RGMA: variants seen among roughly 807,000 people sequenced by gnomAD.
The protein encoded by RGMA is repulsive guidance molecule BMP co-receptor a.
RGMA carries 10 observed loss-of-function variants against 23.2 expected under a neutral mutation model. The ratio of observed to expected loss-of-function variants is 0.43; its 90% CI spans 0.27 to 0.73. The LOEUF is 0.73. Among genes scored for constraint, RGMA ranks in the 30% least tolerant of loss-of-function variants. The pLI is 0.20. For missense variants in RGMA, 547 were observed against 630.5 expected, an observed-to-expected ratio of 0.87 and a Z score of 1.42; for synonymous variants, 308 against 279.3, an observed-to-expected ratio of 1.10 and a Z score of -1.03.
At position 93,044,594 on chromosome 15, in the gene RGMA, CAG is replaced by C. The variant is rs2054782361; in HGVS notation, c.*402_*403del. On this transcript the variant is annotated 3_prime_UTR_variant, in exon 4 of 4. Transcript: ENST00000329082. ...AGTGTGTGCGTGCGTGTGGCGGGCACAGGGGGCCCCACGGATCGGCGAGCAGC... is the reference window on the plus strand; with the variant it reads ...AGTGTGTGCGTGCGTGTGGCGGGCACGGGGCCCCACGGATCGGCGAGCAGC... 2 of 258,612 alleles carry C rather than the reference CAG, an allele frequency of 7.7e-6. No individual in the cohort carries two copies. Among genetic ancestry groups the C allele is most frequent in the Non-Finnish European group, 1.5e-5 (2 of 133,556 alleles). The allele number at this position is 258,612 out of a possible 1,614,324, so 16.0% of individuals were successfully genotyped here. A position where few individuals can be genotyped will look rare whatever the true frequency, so the allele number is the denominator to read the frequency against.
chr15:93,044,638 C>G lies in RGMA; in HGVS notation c.*360G>C. The G allele has an allele frequency of 3.1e-6, 1 of 319,172 alleles. No individual in the cohort carries two copies. Among genetic ancestry groups the G allele is most frequent in the Non-Finnish European group, 5.8e-6 (1 of 171,206 alleles). The allele number at this position is 319,172 out of a possible 1,614,324, so 19.8% of individuals were successfully genotyped here. On this transcript the variant is annotated 3_prime_UTR_variant, in exon 4 of 4. Transcript: ENST00000329082. The stretch of plus-strand genomic sequence containing the variant: ...GCGAGCAGCAGTCGGCCGGGCCTTT[C>G]AGTGCATTGCGAGGGGGAAGGAGCT...
intron 2 of RGMA, among the ~76,000 whole-genome samples, chr15:93,060,187 G>A (rs1267310364): frequency 2.0e-5 from 3 of 152,370 alleles, no homozygotes; most frequent in Admixed American, 6.5e-5. Flanking sequence ...GCCACTGAGT[G>A]TGTCCTTGGG....
intron 3 of RGMA, among the ~76,000 whole-genome samples, chr15:93,050,902 C>T (rs1460778204): frequency 6.6e-6 from 1 of 152,094 alleles, no homozygotes; most frequent in Admixed American, 6.6e-5. Flanking sequence ...TGTCTTGGCT[C>T]TCAGGAGGGC....
At position 93,042,253 on chromosome 15, in the gene RGMA, C is replaced by CCTTG. The variant is rs1369141695; in HGVS notation, c.*2741_*2744dup. Reference sequence around the variant, plus strand: ...ACTTGGCCACTCTTGGGACTCCTCCCCTTGCTAGCCTGCAGGTTCACCTCT... The same window carrying CCTTG: ...ACTTGGCCACTCTTGGGACTCCTCCCCTTGCTTGCTAGCCTGCAGGTTCACCTCT... On this transcript the variant is annotated 3_prime_UTR_variant, in exon 4 of 4. Transcript: ENST00000329082. The CCTTG allele has an allele frequency of 1.3e-5, 2 of 152,300 alleles. No individual in the cohort carries two copies. The highest frequency in any genetic ancestry group is 2.9e-5 in the Non-Finnish European group (2 of 68,082). 9.4% of individuals were successfully genotyped at this position (152,300 alleles called of 1,614,324 possible). A position where few individuals can be genotyped will look rare whatever the true frequency, so the allele number is the denominator to read the frequency against.
chr15:93,088,240 C>CG, intron 1 of RGMA: 18 of 941,606 alleles, frequency 1.9e-5, no homozygotes, highest in Non-Finnish European at 2.2e-5. Context: ...CACACCCGCC[C>CG]TCCCATTGAA....
intron 1 of RGMA, among the ~76,000 whole-genome samples, chr15:93,075,571 A>T (rs1895459399): frequency 6.7e-6 from 1 of 148,536 alleles, no homozygotes; most frequent in African/African-American, 2.5e-5. Flanking sequence ...AAGCCTGAGA[A>T]TTTTTTTTTT....
At chr15:93,064,225 A>C (rs1353786888) in intron 2 of RGMA, among the ~76,000 whole-genome samples, 1 of 152,236 alleles carries the variant, frequency 6.6e-6, no homozygotes, top group Non-Finnish European at 1.5e-5. Flanking sequence ...AGGGCTGGAC[A>C]CAGGATTCCA....
In RGMA at chr15:93,089,172, T is replaced by A; in HGVS notation, c.-240A>T. The A allele has an allele frequency of 3.4e-6, 1 of 295,658 alleles. No individual in the cohort carries two copies. Among genetic ancestry groups the A allele is most frequent in the Non-Finnish European group, 6.2e-6 (1 of 161,048 alleles). 18.3% of individuals were successfully genotyped at this position (295,658 alleles called of 1,614,324 possible). On this transcript the variant is annotated 5_prime_UTR_variant, in exon 1 of 4. Coordinates refer to ENST00000329082, the MANE Select transcript of RGMA (RefSeq NM_020211.3). ...GCCAGTGCTTCCCCGGCCCAGCGGC[T>A]CGGGCGGCGCAGCCAGCGCTCGGGA... is the stretch of plus-strand genomic sequence containing the variant.
chr15:93,044,956 G>T lies in RGMA; in HGVS notation c.*42C>A. Reference sequence around the variant, plus strand: ...GCGGTCCCAGCCCACACATGGGGAAGCCGAGAGGACGGAGCCCGCGCCTCC... The same window carrying T: ...GCGGTCCCAGCCCACACATGGGGAATCCGAGAGGACGGAGCCCGCGCCTCC... On this transcript the variant is annotated 3_prime_UTR_variant, in exon 4 of 4. Coordinates refer to ENST00000329082, the MANE Select transcript of RGMA (RefSeq NM_020211.3). 6.7e-7 allele frequency: 1 copy of T among 1,493,036 alleles called. No individual in the cohort carries two copies. Among genetic ancestry groups the T allele is most frequent in the Non-Finnish European group, 9.0e-7 (1 of 1,105,184 alleles). The allele number at this position is 1,493,036 out of a possible 1,614,324, so 92.5% of individuals were successfully genotyped here.
At chr15:93,050,263 A>C (rs752038612) in intron 3 of RGMA, among the ~76,000 whole-genome samples, 31 of 152,190 alleles carry the variant, frequency 2.0e-4, no homozygotes, top group Non-Finnish European at 4.3e-4. Context: ...TTGCTCCATC[A>C]ATGAGTGAAC....
chr15:93,088,583 C>A, intron 1 of RGMA: 1 of 1,062,388 alleles, frequency 9.4e-7, no homozygotes, highest in Non-Finnish European at 1.1e-6. Context: ...GGGTGGCCGG[C>A]TCCGTCCGGG....
intron 2 of RGMA, chr15:93,066,401 G>A (rs543076748): frequency 6.0e-5 from 41 of 684,240 alleles, no homozygotes; most frequent in South Asian, 1.4e-4. Flanking sequence ...TGGGGGAAAC[G>A]GGGGGCGGGG....
At chr15:93,081,127 T>C (rs1254480601) in intron 1 of RGMA, among the ~76,000 whole-genome samples, 3 of 152,178 alleles carry the variant, frequency 2.0e-5, no homozygotes, top group Admixed American at 2.0e-4. Context: ...TCCAGCTGTG[T>C]GGCACCACGC....
chr15:93,053,282 CCTTAT>C (rs1228725512), intron 2 of RGMA, among the ~76,000 whole-genome samples: 3 of 152,234 alleles, frequency 2.0e-5, no homozygotes, highest in African/African-American at 7.2e-5. Context: ...CTTTAACACA[CCTTAT>C]CTTCTCAACA....
intron 2 of RGMA, among the ~76,000 whole-genome samples, chr15:93,056,208 A>T (rs1307806683): frequency 1.3e-5 from 2 of 152,216 alleles, no homozygotes; most frequent in African/African-American, 2.4e-5. Flanking sequence ...AAGCCAAGCT[A>T]GTGCCTGATG....
At position 93,062,076 on chromosome 15, in the gene RGMA, G is replaced by A. The variant is rs375077775; in HGVS notation, c.131-9569C>T. The stretch of plus-strand genomic sequence containing the variant: ...AGTTACTGTGTAGGAGGGGTGGGGT[G>A]AGCCGGAGAGGGAAAAGACCTGCCC... On this transcript the variant is annotated intron_variant, in intron 2 of 3. Coordinates refer to ENST00000329082, the MANE Select transcript of RGMA (RefSeq NM_020211.3). Among the ~76,000 whole-genome samples, 6 of 152,128 alleles carry A rather than the reference G, an allele frequency of 3.9e-5. No homozygotes were observed. The East Asian group carries it at 1.2e-3, about 29-fold the overall frequency.
intron 2 of RGMA, chr15:93,065,775 C>A: frequency 1.8e-6 from 2 of 1,096,940 alleles, no homozygotes; most frequent in South Asian, 2.5e-5. Context: ...CCCCACCTTC[C>A]GTGGTAGGCT....
At chr15:93,084,557 C>T (rs1025511141) in intron 1 of RGMA, among the ~76,000 whole-genome samples, 2 of 152,048 alleles carry the variant, frequency 1.3e-5, no homozygotes, top group African/African-American at 4.8e-5. Flanking sequence ...ACGGCAACCT[C>T]CGCCTCCTGG....
rs1417927282 is a variant in RGMA at position 93,044,703 on chromosome 15, G to A, written c.*295C>T. ...CCAGTGTGTCTCTGGTGGGGGTGGG[G>A]GGCTTCAGCCTGAGGGGATGTTTCA... On this transcript the variant is annotated 3_prime_UTR_variant, in exon 4 of 4. Transcript: ENST00000329082. The A allele has an allele frequency of 8.9e-6, 4 of 450,084 alleles. No homozygotes were observed. The East Asian group carries it at 1.5e-4, about 17-fold the overall frequency. 27.9% of individuals were successfully genotyped at this position (450,084 alleles called of 1,614,324 possible). A position where few individuals can be genotyped will look rare whatever the true frequency, so the allele number is the denominator to read the frequency against.
Sources: gnomAD v4.1 joint callset for allele counts (sites outside exome capture counted in the v4.1 genomes callset) on GRCh38, gnomAD v4.1.1 for gene constraint, MANE v1.5 for transcripts, NCBI Gene and HGNC (gene_info 2026-07-23, HGNC 2026-07-21) for gene names.